The following OLFML2A variants were observed in gnomAD, a reference collection of about 807,000 sequenced individuals.
OLFML2A encodes olfactomedin-like protein 2A.
A neutral mutation model predicts 60.9 loss-of-function variants in OLFML2A; 47 were observed. The observed-to-expected ratio is 0.77, with a 90% CI of 0.61 to 0.98. The LOEUF is 0.98. Among genes scored for constraint, OLFML2A ranks in the 50% least tolerant of loss-of-function variants. OLFML2A has a pLI of 0.00. For missense variants in OLFML2A, 922 were observed against 879.8 expected, an observed-to-expected ratio of 1.05 and a Z score of -0.61; for synonymous variants, 372 against 375.0, an observed-to-expected ratio of 0.99 and a Z score of 0.09.
intron 6 of OLFML2A, among the ~76,000 whole-genome samples, chr9:124,805,788 T>C (rs901958328): frequency 1.3e-5 from 2 of 150,502 alleles, no homozygotes; most frequent in African/African-American, 2.4e-5. Flanking sequence ...ATTATTGTTG[T>C]TGTTGTTTTG....
rs1477042899 is a variant in OLFML2A at position 124,795,074 on chromosome 9, G to A, written c.405G>A (p.Leu135=). Residue 135 remains leucine (L), a synonymous_variant, in exon 3 of 8, where the codon TTG becomes TTA. Transcript: ENST00000373580. Reference sequence around the variant, plus strand: ...AGGGCACCCTGTACAGCATGGACTTGATGAAGGTGCACGCCTACGTCCACA... The same window carrying A: ...AGGGCACCCTGTACAGCATGGACTTAATGAAGGTGCACGCCTACGTCCACA... The part of the protein sequence containing the change: ...LLEGTLYSMD[L]MKVHAYVHKV... The A allele has an allele frequency of 6.2e-7, 1 of 1,609,962 alleles. No homozygotes were observed. Among genetic ancestry groups the A allele is most frequent in the Non-Finnish European group, 8.5e-7 (1 of 1,178,020 alleles).
chr9:124,783,816 G>A (rs1201635109), intron 1 of OLFML2A, among the ~76,000 whole-genome samples: 1 of 152,170 alleles, frequency 6.6e-6, no homozygotes, highest in Non-Finnish European at 1.5e-5. Context: ...TATGGTGTGG[G>A]GGAGACAGAA....
Position 124,811,849 on chromosome 9 carries a change from A to C in OLFML2A, c.*1437A>C, listed in dbSNP as rs1032018609. ...ATTTTCTAGCCCAACTCCCTGTTTCATGAAAGAGAAAAGAGGCTCAGAAAA... is the reference window on the plus strand; with the variant it reads ...ATTTTCTAGCCCAACTCCCTGTTTCCTGAAAGAGAAAAGAGGCTCAGAAAA... On this transcript the variant is annotated 3_prime_UTR_variant, in exon 8 of 8. Transcript: ENST00000373580. 4 of 152,324 alleles carry C rather than the reference A, an allele frequency of 2.6e-5. No homozygotes were observed. The South Asian group carries it at 8.3e-4, about 32-fold the overall frequency. 9.4% of individuals were successfully genotyped at this position (152,324 alleles called of 1,614,324 possible). A position where few individuals can be genotyped will look rare whatever the true frequency, so the allele number is the denominator to read the frequency against.
Position 124,777,944 on chromosome 9 carries a change from G to T in OLFML2A, c.90+584G>T, listed in dbSNP as rs1198903172. On this transcript the variant is annotated intron_variant, in intron 1 of 7. Transcript: ENST00000373580. This position sits in a 1 kb window ranked among gnomAD's most constrained non-coding sequence, Gnocchi z 6.2. ...CCGACCTGGGTTCAGTCGCACATCC[G>T]CTTCTCATCCGCCATCGCCCATCTG... is the stretch of plus-strand genomic sequence containing the variant. Among the ~76,000 whole-genome samples, 1 of 152,142 alleles carries T rather than the reference G, an allele frequency of 6.6e-6. No individual in the cohort carries two copies. Among genetic ancestry groups the T allele is most frequent in the African/African-American group, 2.4e-5 (1 of 41,436 alleles).
chr9:124,799,400 A>C lies in OLFML2A; in HGVS notation c.578A>C (p.Lys193Thr). The C allele has an allele frequency of 1.2e-6, 2 of 1,613,918 alleles. No individual in the cohort carries two copies. Among genetic ancestry groups the C allele is most frequent in the Non-Finnish European group, 8.5e-7 (1 of 1,179,992 alleles). The change falls in exon 4 of 8, where the codon AAG becomes ACG. Residue 193 changes from lysine to threonine, a missense_variant. Transcript: ENST00000373580. ...TCTGCCATCATGCTGGGCATCAAGA[A>C]GGAGCTGTCCCGCCTGGGCCTCCAG... Reference protein sequence around the residue: ...NHSAIMLGIKKELSRLGLQLL... With the variant: ...NHSAIMLGIKTELSRLGLQLL...
At chr9:124,793,204 C>A (rs1336446094) in intron 2 of OLFML2A, among the ~76,000 whole-genome samples, 1 of 152,248 alleles carries the variant, frequency 6.6e-6, no homozygotes, top group African/African-American at 2.4e-5. Context: ...CGAGGAACTG[C>A]CCTTCCCAAG....
Position 124,794,728 on chromosome 9 carries a change from TCTC to T in OLFML2A, c.355-293_355-291del, listed in dbSNP as rs556535952. ...CCCCCACCTTCTGGGTTCAAGCAAT[TCTC>T]CTGCCTCAGCCTCCCAAGTAGCTGG... On this transcript the variant is annotated intron_variant, in intron 2 of 7. Transcript: ENST00000373580. Among the ~76,000 whole-genome samples the T allele has an allele frequency of 5.9e-4, 90 of 152,162 alleles. 1 individual carries two copies. The South Asian group carries it at 0.018, about 31-fold the overall frequency.
In OLFML2A at chr9:124,814,521, G is replaced by C. The variant is rs527712131; in HGVS notation, c.*4109G>C. 2.0e-5 allele frequency: 3 copies of C among 152,262 alleles called. No individual in the cohort carries two copies. The highest frequency in any genetic ancestry group is 7.2e-5 in the African/African-American group (3 of 41,538). The allele number at this position is 152,262 out of a possible 1,614,324, so 9.4% of individuals were successfully genotyped here. On this transcript the variant is annotated 3_prime_UTR_variant, in exon 8 of 8. Transcript: ENST00000373580. ...TTACAGGTGATGAGCCTCAAATTCA[G>C]AGAGCTTAAGCAACCTGCTCAGGGT...
intron 5 of OLFML2A, among the ~76,000 whole-genome samples, chr9:124,802,062 A>C (rs1265882854): frequency 6.6e-6 from 1 of 152,136 alleles, no homozygotes; most frequent in Admixed American, 6.5e-5. Flanking sequence ...GAGGGGCAGG[A>C]GAATACCGGG....
intron 1 of OLFML2A, among the ~76,000 whole-genome samples, 180 bp from the exon 2 acceptor site, chr9:124,786,795 C>G (rs112665840): frequency 0.022 from 2,652 of 121,776 alleles, 61 homozygotes; most frequent in East Asian, 0.11. Flanking sequence ...CACACACACA[C>G]ACAGAGTTGT....
Position 124,804,241 on chromosome 9 carries a change from C to A in OLFML2A, c.1067C>A (p.Thr356Asn). The A allele has an allele frequency of 6.2e-7, 1 of 1,613,130 alleles. No homozygotes were observed. Residue 356 changes from threonine (T) to asparagine (N), a missense_variant, in exon 6 of 8, where the codon ACT becomes AAT. Coordinates refer to ENST00000373580, the MANE Select transcript of OLFML2A (RefSeq NM_182487.4). Reference protein sequence around the residue: ...ERVDLASGTPTSIPATTTTAT... With the variant: ...ERVDLASGTPNSIPATTTTAT... ...GTGGACCTGGCTTCTGGCACCCCCACTTCAATCCCTGCCACCACCACCACC... is the reference window on the plus strand; with the variant it reads ...GTGGACCTGGCTTCTGGCACCCCCAATTCAATCCCTGCCACCACCACCACC...
rs1564290294 is a variant in OLFML2A, at chr9:124,810,174, C to T, written c.1721C>T (p.Ser574Phe). The T allele has an allele frequency of 6.2e-7, 1 of 1,613,968 alleles. No homozygotes were observed. The highest frequency in any genetic ancestry group is 2.2e-5 in the East Asian group (1 of 44,884). ...TGGAAGACACGGCTGCGGCGGAACT[C>T]CTACGGGAACTGCTTCCTGGTGTGC... ...TTWKTRLRRN[S>F]YGNCFLVCGI... The change falls in exon 8 of 8, where the codon TCC becomes TTC. Residue 574 changes from serine (S) to phenylalanine (F), a missense_variant. Ser to Phe is a radical substitution (Grantham distance 155). Transcript: ENST00000373580.
chr9:124,780,175 GC>G (rs566649012), intron 1 of OLFML2A, among the ~76,000 whole-genome samples: 25 of 152,238 alleles, frequency 1.6e-4, no homozygotes, highest in Non-Finnish European at 2.8e-4. Context: ...CTGAAGGGCT[GC>G]CCAGCACAGA....
intron 3 of OLFML2A, among the ~76,000 whole-genome samples, chr9:124,796,092 G>A (rs990105016): frequency 3.3e-5 from 5 of 152,210 alleles, no homozygotes; most frequent in East Asian, 1.9e-4. Context: ...GCCAGGAGCG[G>A]GCGTGGGGGC....
intron 1 of OLFML2A, among the ~76,000 whole-genome samples, chr9:124,783,936 C>T (rs1285233163): frequency 6.6e-6 from 1 of 152,190 alleles, no homozygotes; most frequent in African/African-American, 2.4e-5. Flanking sequence ...TCAGGGAAGG[C>T]TTCTCAGAGG....
chr9:124,793,731 G>T (rs765979901), intron 2 of OLFML2A, among the ~76,000 whole-genome samples: 7 of 152,122 alleles, frequency 4.6e-5, no homozygotes, highest in Admixed American at 6.6e-5. Context: ...GATTTATTTT[G>T]AAAATATTCC....
chr9:124,800,729 C>A, intron 4 of OLFML2A: 1 of 804,762 alleles, frequency 1.2e-6, no homozygotes, highest in South Asian at 1.8e-5. Context: ...GTGCAGAAGG[C>A]ACCCAGCTAC....
rs1841992927 is a variant in OLFML2A at position 124,810,527 on chromosome 9, C to G, written c.*115C>G. On this transcript the variant is annotated 3_prime_UTR_variant, in exon 8 of 8. Transcript: ENST00000373580. Reference sequence around the variant, plus strand: ...ATTGGGGGCCAGCCCAGGGCTGGGACTGGGCATGAGGTGGTCACCAGGATT... The same window carrying G: ...ATTGGGGGCCAGCCCAGGGCTGGGAGTGGGCATGAGGTGGTCACCAGGATT... 3 of 1,120,572 alleles carry G rather than the reference C, an allele frequency of 2.7e-6. No homozygotes were observed. Among genetic ancestry groups the G allele is most frequent in the Non-Finnish European group, 3.7e-6 (3 of 807,780 alleles). The allele number at this position is 1,120,572 out of a possible 1,614,324, so 69.4% of individuals were successfully genotyped here.
At chr9:124,786,934 TAGCAGCAACTCACTGG>T (rs777819277) in intron 1 of OLFML2A, 25 bp from the exon 2 acceptor site, 16 of 1,581,428 alleles carry the variant, frequency 1.0e-5, no homozygotes, top group Admixed American at 3.4e-5. Flanking sequence ...TAGCACTGCC[TAGCAGCAACTCACTGG>T]AGCCCCTCTT....
Sources: allele counts gnomAD v4.1 joint callset (sites outside exome capture counted in the v4.1 genomes callset), GRCh38; gene constraint gnomAD v4.1.1; non-coding constraint Gnocchi (gnomAD v3.1); transcripts MANE v1.5; gene names NCBI Gene and HGNC (gene_info 2026-07-23, HGNC 2026-07-21).